The following LSAMP variants were observed in gnomAD, a reference collection of about 807,000 sequenced individuals.
LSAMP encodes the protein limbic system-associated membrane protein.
Under a neutral mutation model 38.6 loss-of-function variants are expected in LSAMP, and 7 were observed. The observed-to-expected ratio is 0.18, with a 90% CI of 0.10 to 0.34. LSAMP has a LOEUF of 0.34. Ranked by LOEUF, LSAMP falls within the 10% of genes least tolerant of loss-of-function variation. The pLI, the probability that LSAMP is intolerant of heterozygous loss-of-function variation, is 1.00. For missense variants in LSAMP, 313 were observed against 420.0 expected (o/e 0.75, Z 2.23); for synonymous variants, 154 against 166.8 (o/e 0.92, Z 0.59).
At chr3:116,137,716 C>T (rs1709282399) in intron 1 of LSAMP, among the ~76,000 whole-genome samples, 1 of 152,042 alleles carries the variant, frequency 6.6e-6, no homozygotes, top group South Asian at 2.1e-4. Flanking sequence ...ATCTTGAATA[C>T]TTGTAAAATG....
chr3:116,105,550 G>T (rs1347250159), intron 1 of LSAMP, among the ~76,000 whole-genome samples: 2 of 152,158 alleles, frequency 1.3e-5, no homozygotes, highest in Non-Finnish European at 1.5e-5. Flanking sequence ...CTGGTGGGCA[G>T]GGGCGGGGGT....
chr3:115,833,359 GTT>G (rs59072688), intron 6 of LSAMP, among the ~76,000 whole-genome samples: 23 of 128,084 alleles, frequency 1.8e-4, no homozygotes, highest in Non-Finnish European at 2.0e-4. Context: ...TTTTAGGGAA[GTT>G]TTTTTTTTTT....
chr3:115,881,790 C>T (rs1936330307), intron 3 of LSAMP, among the ~76,000 whole-genome samples: 1 of 152,116 alleles, frequency 6.6e-6, no homozygotes, highest in Non-Finnish European at 1.5e-5. Flanking sequence ...CCCATCCCTT[C>T]ACTCATCTAA....
intron 3 of LSAMP, among the ~76,000 whole-genome samples, chr3:115,969,230 G>A (rs764804955): frequency 2.0e-5 from 3 of 152,150 alleles, no homozygotes; most frequent in Non-Finnish European, 4.4e-5. Flanking sequence ...CGGAGAGGAC[G>A]ATTGGTGAAG....
At chr3:116,251,920 T>C (rs1023412688) in intron 1 of LSAMP, among the ~76,000 whole-genome samples, 3 of 152,300 alleles carry the variant, frequency 2.0e-5, no homozygotes, top group Non-Finnish European at 4.4e-5. Context: ...TCTCATACAT[T>C]TGACCAATAG....
chr3:116,253,988 C>G (rs1222363383), intron 1 of LSAMP, among the ~76,000 whole-genome samples: 1 of 152,304 alleles, frequency 6.6e-6, no homozygotes, highest in African/African-American at 2.4e-5. Flanking sequence ...CCCTGCAGTT[C>G]CATGATGGTC....
At chr3:116,395,190 T>G (rs980148139) in intron 1 of LSAMP, among the ~76,000 whole-genome samples, 2 of 152,192 alleles carry the variant, frequency 1.3e-5, no homozygotes, top group African/African-American at 4.8e-5. Flanking sequence ...CAAAGGAGCA[T>G]GAATAATCTC....
At chr3:116,106,859 C>T (rs558974630) in intron 1 of LSAMP, among the ~76,000 whole-genome samples, 2 of 151,922 alleles carry the variant, frequency 1.3e-5, no homozygotes, top group Admixed American at 6.6e-5. Context: ...GGCAAATCCT[C>T]GAGCTTGATG....
intron 3 of LSAMP, among the ~76,000 whole-genome samples, chr3:115,984,044 C>CAGTA (rs1418137962): frequency 6.6e-6 from 1 of 151,586 alleles, no homozygotes; most frequent in Non-Finnish European, 1.5e-5. Flanking sequence ...GAGGCTCCTG[C>CAGTA]AGTACTCTAA....
intron 3 of LSAMP, among the ~76,000 whole-genome samples, chr3:115,947,498 T>G (rs1938139509): frequency 6.6e-6 from 1 of 152,136 alleles, no homozygotes; most frequent in Non-Finnish European, 1.5e-5. Flanking sequence ...GTGACAGTAT[T>G]TATGATAGTG....
rs188446361 is a variant in LSAMP at position 115,904,089 on chromosome 3, T to C, written c.515-51472A>G. Among the ~76,000 whole-genome samples, 247 of 152,222 alleles carry C rather than the reference T, an allele frequency of 1.6e-3. 2 individuals are homozygous for C. Among genetic ancestry groups the C allele is most frequent in the African/African-American group, 5.7e-3 (236 of 41,538 alleles). The stretch of plus-strand genomic sequence containing the variant: ...GAATGGCACAAATTGAAAGATGTTA[T>C]GAATCATCTGTCGACGGTAGTCAAA... On this transcript the variant is annotated intron_variant, in intron 3 of 6. Transcript: ENST00000490035.
chr3:115,929,114 A>G (rs1559884921), intron 3 of LSAMP, among the ~76,000 whole-genome samples: 1 of 151,994 alleles, frequency 6.6e-6, no homozygotes, highest in Non-Finnish European at 1.5e-5. Context: ...CTACCAGGAA[A>G]GCATCTTGGT....
rs940854105 is a variant in LSAMP at position 115,810,079 on chromosome 3, A to G, written c.*238T>C. On this transcript the variant is annotated 3_prime_UTR_variant, in exon 7 of 7. Coordinates refer to ENST00000490035, the MANE Select transcript of LSAMP (RefSeq NM_002338.5). ...TTAGTAGATATAAACATATCCCAGT[A>G]GAACCTTCTCCATCCTGAATGATAC... is the stretch of plus-strand genomic sequence containing the variant. 11 of 474,088 alleles carry G rather than the reference A, an allele frequency of 2.3e-5. 1 individual carries two copies. Among genetic ancestry groups the G allele is most frequent in the Non-Finnish European group, 3.8e-5 (10 of 265,378 alleles). The allele number at this position is 474,088 out of a possible 1,614,324, so 29.4% of individuals were successfully genotyped here. A position where few individuals can be genotyped will look rare whatever the true frequency, so the allele number is the denominator to read the frequency against.
chr3:116,107,283 G>A (rs1464230356), intron 1 of LSAMP, among the ~76,000 whole-genome samples: 1 of 152,184 alleles, frequency 6.6e-6, no homozygotes, highest in Admixed American at 6.5e-5. Context: ...GAGCAGAAAA[G>A]TATATGCGTC....
At chr3:116,403,942 A>G (rs2048872372) in intron 1 of LSAMP, among the ~76,000 whole-genome samples, 2 of 138,086 alleles carry the variant, frequency 1.4e-5, no homozygotes, top group Admixed American at 1.4e-4. Flanking sequence ...TTTTTTTTTT[A>G]ACCTAGAGAC....
In LSAMP at chr3:116,274,704, C is replaced by CT. The variant is rs1231680871; in HGVS notation, c.155+170172dup. Among the ~76,000 whole-genome samples the CT allele has an allele frequency of 5.7e-4, 84 of 147,932 alleles. 1 individual carries two copies. The highest frequency in any genetic ancestry group is 1.6e-3 in the African/African-American group (66 of 40,462). ...TAAATAAGGTGTTTTACTTCCTTGG[C>CT]TTTTTTTTTTCTTTTCTCTTTTTGG... On this transcript the variant is annotated intron_variant, in intron 1 of 6. Coordinates refer to ENST00000490035, the MANE Select transcript of LSAMP (RefSeq NM_002338.5).
At chr3:115,818,436 C>T (rs1056444410) in intron 6 of LSAMP, among the ~76,000 whole-genome samples, 1 of 152,102 alleles carries the variant, frequency 6.6e-6, no homozygotes, top group Non-Finnish European at 1.5e-5. Flanking sequence ...GAAATCCAGA[C>T]AGGTAGGAAG....
intron 1 of LSAMP, among the ~76,000 whole-genome samples, chr3:116,344,671 T>G (rs1175015520): frequency 3.9e-5 from 6 of 152,110 alleles, no homozygotes; most frequent in Admixed American, 3.9e-4. Flanking sequence ...CAACCATTAA[T>G]CTAGACACAA....
intron 3 of LSAMP, among the ~76,000 whole-genome samples, chr3:115,928,969 G>GTTTGTT (rs1329288520): frequency 3.7e-5 from 2 of 53,574 alleles, no homozygotes; most frequent in African/African-American, 1.1e-4. Context: ...CAGGTTTTTT[G>GTTTGTT]TTTGTTTTTT....
Sources: gnomAD v4.1 joint callset for allele counts (sites outside exome capture counted in the v4.1 genomes callset) on GRCh38, gnomAD v4.1.1 for gene constraint, MANE v1.5 for transcripts, NCBI Gene and HGNC (gene_info 2026-07-23, HGNC 2026-07-21) for gene names.